The following SLC9A3 variants were observed in gnomAD, a reference collection of about 807,000 sequenced individuals.
SLC9A3 encodes solute carrier family 9 member A3, also known as sodium/hydrogen exchanger 3.
Under a neutral mutation model 86.8 loss-of-function variants are expected in SLC9A3, and 37 were observed. The ratio of observed to expected loss-of-function variants is 0.43; its 90% CI spans 0.33 to 0.56. The LOEUF is 0.56. Ranked by LOEUF, SLC9A3 falls within the 20% of genes least tolerant of loss-of-function variation. The pLI is 0.06. For missense variants in SLC9A3, 1,011 were observed against 1,171.9 expected (o/e 0.86, Z 2.00); for synonymous variants, 581 against 528.3 (o/e 1.10, Z -1.37).
At chr5:475,980 G>A in intron 14 of SLC9A3, 40 bp downstream of exon 14, 2 of 1,518,632 alleles carry the variant, frequency 1.3e-6, no homozygotes, top group East Asian at 2.3e-5. Flanking sequence ...GGGAGGTGGT[G>A]GCTCCCAGTC....
rs202060130 is a variant in SLC9A3 at position 482,086 on chromosome 5, G to A, written c.1428C>T (p.Asn476=). 56 of 1,587,002 alleles carry A rather than the reference G, an allele frequency of 3.5e-5. No individual in the cohort carries two copies. The East Asian group carries it at 5.7e-4, about 16-fold the overall frequency. The part of the protein sequence containing the change: ...KRSEHREPRL[N]EKLHGRAFDH... ...CACTTACGCGCCCGTGCAGCTTCTC[G>A]TTGAGCCGAGGTTCCCGGTGCTCGC... The change falls in exon 8 of 17, where the codon AAC becomes AAT. Residue 476 remains asparagine (N), a synonymous_variant. Transcript: ENST00000264938.
chr5:502,499 C>CCGGTCGCAACGTCCTG (rs1346660435), intron 1 of SLC9A3, among the ~76,000 whole-genome samples: 1 of 152,220 alleles, frequency 6.6e-6, no homozygotes, highest in Non-Finnish European at 1.5e-5. Context: ...CGGCAAGACA[C>CCGGTCGCAACGTCCTG]CGGTCGCAAC....
At chr5:500,992 A>T (rs1227170296) in intron 1 of SLC9A3, among the ~76,000 whole-genome samples, 1 of 145,234 alleles carries the variant, frequency 6.9e-6, no homozygotes, top group Non-Finnish European at 1.5e-5. Flanking sequence ...ACACAAGGGG[A>T]CAAACCTGGG....
At chr5:508,838 G>A (rs932469616) in intron 1 of SLC9A3, among the ~76,000 whole-genome samples, 1 of 152,236 alleles carries the variant, frequency 6.6e-6, no homozygotes, top group East Asian at 1.9e-4. Context: ...GCCACAGGTG[G>A]TGGCTCACAC....
chr5:521,144 C>A (rs1474560550), intron 1 of SLC9A3, among the ~76,000 whole-genome samples: 1 of 152,270 alleles, frequency 6.6e-6, no homozygotes, highest in Non-Finnish European at 1.5e-5. Context: ...CGGCCCTTGC[C>A]TCCCCTTCTG....
Position 507,644 on chromosome 5 carries a change from A to G in SLC9A3, c.212-15573T>C, listed in dbSNP as rs1317866044. Among the ~76,000 whole-genome samples the G allele has an allele frequency of 1.8e-4, 17 of 92,030 alleles. 2 individuals are homozygous for G. The highest frequency in any genetic ancestry group is 6.0e-4 in the African/African-American group (15 of 24,812). The allele number at this position is 92,030 out of a possible 152,430, so 60.4% of individuals were successfully genotyped here. On this transcript the variant is annotated intron_variant, in intron 1 of 16. Transcript: ENST00000264938. ...CTGCCCCACAGACGCCCGAATCCCC[A>G]CCCCACAGTCGACACCCGAATCCCC...
intron 10 of SLC9A3, chr5:479,614 C>T: frequency 1.8e-6 from 1 of 545,272 alleles, no homozygotes; most frequent in Non-Finnish European, 3.3e-6. Flanking sequence ...CGCTCACCCC[C>T]ACCAGCACCA....
intron 1 of SLC9A3, among the ~76,000 whole-genome samples, chr5:519,491 A>T (rs539365065): frequency 1.3e-5 from 2 of 152,308 alleles, no homozygotes; most frequent in African/African-American, 4.8e-5. Flanking sequence ...CTGGGCACTG[A>T]GTGCCCGGTG....
Position 522,739 on chromosome 5 carries a change from C to CAA in SLC9A3, c.211+1371_211+1372dup, listed in dbSNP as rs397960621. ...GGGCAACAAGAGCAAAATTCTATCT[C>CAA]AAAAAAAAAAAAAAAAGAAAAAAAA... On this transcript the variant is annotated intron_variant, in intron 1 of 16. Coordinates refer to ENST00000264938, the MANE Select transcript of SLC9A3 (RefSeq NM_004174.4). 2.5e-3 allele frequency among the ~76,000 whole-genome samples: 241 copies of CAA among 98,118 alleles called. 1 individual carries two copies. The highest frequency in any genetic ancestry group is 5.4e-3 in the Admixed American group (48 of 8,864). The allele number at this position is 98,118 out of a possible 152,430, so 64.4% of individuals were successfully genotyped here.
intron 1 of SLC9A3, among the ~76,000 whole-genome samples, chr5:507,186 T>TTTTTTTTTTTTTTTTTTTG (rs1242074998): frequency 9.4e-6 from 1 of 106,872 alleles, no homozygotes; most frequent in Non-Finnish European, 1.9e-5. Context: ...TTTTTTTTTT[T>TTTTTTTTTTTTTTTTTTTG]GAGACGGAGT....
At chr5:519,400 T>C (rs1733819910) in intron 1 of SLC9A3, among the ~76,000 whole-genome samples, 1 of 152,168 alleles carries the variant, frequency 6.6e-6, no homozygotes, top group Non-Finnish European at 1.5e-5. Context: ...CATTGAGGGA[T>C]TCCTGCCTCC....
Position 496,574 on chromosome 5 carries a change from C to T in SLC9A3, c.212-4503G>A, listed in dbSNP as rs1416370414. On this transcript the variant is annotated intron_variant, in intron 1 of 16. Transcript: ENST00000264938. This position sits in a 1 kb window ranked among gnomAD's most constrained non-coding sequence, Gnocchi z 4.7. ...TTTTCACTTTCAAAAATGTTGCTCTCATCTTTCCACTTTGTCTTCTGTCAT... is the reference window on the plus strand; with the variant it reads ...TTTTCACTTTCAAAAATGTTGCTCTTATCTTTCCACTTTGTCTTCTGTCAT... Among the ~76,000 whole-genome samples, 1 of 152,224 alleles carries T rather than the reference C, an allele frequency of 6.6e-6. No homozygotes were observed. Among genetic ancestry groups the T allele is most frequent in the African/African-American group, 2.4e-5 (1 of 41,464 alleles).
intron 10 of SLC9A3, chr5:478,304 G>A (rs59975116): frequency 1.9e-4 from 29 of 152,410 alleles, no homozygotes; most frequent in African/African-American, 6.0e-4. Flanking sequence ...GCCACCCCAC[G>A]AAGACAGACG....
chr5:476,955 G>A, intron 11 of SLC9A3: 2 of 534,656 alleles, frequency 3.7e-6, no homozygotes, highest in Non-Finnish European at 6.8e-6. Context: ...GTAAGACTCG[G>A]GGACCCCAGC....
intron 1 of SLC9A3, among the ~76,000 whole-genome samples, chr5:506,644 A>G (rs1438015505): frequency 1.3e-5 from 2 of 152,198 alleles, no homozygotes; most frequent in Non-Finnish European, 2.9e-5. Flanking sequence ...CTGGTTTCCT[A>G]TGATAATCTC....
At chr5:490,324 T>G (rs1251386290) in intron 2 of SLC9A3, among the ~76,000 whole-genome samples, 1 of 92,446 alleles carries the variant, frequency 1.1e-5, no homozygotes, top group East Asian at 2.0e-4. Context: ...GGGGCAGGGG[T>G]GGAGTGCAGC....
At chr5:475,506 T>A in intron 15 of SLC9A3, 55 bp downstream of exon 15, 3 of 1,053,664 alleles carry the variant, frequency 2.8e-6, no homozygotes, top group Non-Finnish European at 4.3e-6. Context: ...AGCTCCCTCC[T>A]GGGGCGGCAG....
chr5:484,778 G>T, intron 4 of SLC9A3, 81 bp from the exon 5 acceptor site: 2 of 1,401,322 alleles, frequency 1.4e-6, no homozygotes, highest in South Asian at 1.2e-5. Flanking sequence ...CCCCGCGGAA[G>T]TGCCGGGAGC....
intron 1 of SLC9A3, among the ~76,000 whole-genome samples, chr5:498,515 G>C (rs761195207): frequency 4.6e-5 from 7 of 152,220 alleles, no homozygotes; most frequent in Non-Finnish European, 1.0e-4. Flanking sequence ...CGATTCTCCT[G>C]CCTCAGCCTC....
Sources: allele counts gnomAD v4.1 joint callset (sites outside exome capture counted in the v4.1 genomes callset), GRCh38; gene constraint gnomAD v4.1.1; non-coding constraint Gnocchi (gnomAD v3.1); transcripts MANE v1.5; gene names NCBI Gene and HGNC (gene_info 2026-07-23, HGNC 2026-07-21).